Variants in TNKS observed in about 807,000 individuals in gnomAD.
The protein encoded by TNKS is poly [ADP-ribose] polymerase tankyrase-1.
In TNKS, 72 loss-of-function variants were observed where a neutral mutation model predicts 135.8. The observed-to-expected ratio is 0.53, with a 90% CI of 0.44 to 0.64. TNKS has a LOEUF of 0.64. Among genes scored for constraint, TNKS ranks in the 30% least tolerant of loss-of-function variants. The pLI, the probability that TNKS is intolerant of heterozygous loss-of-function variation, is 0.00. For synonymous variants in TNKS, 849 were observed against 649.3 expected, an observed-to-expected ratio of 1.31 and a Z score of -4.68; for missense variants, 1,769 against 1,674.0, an observed-to-expected ratio of 1.06 and a Z score of -0.99.
intron 5 of TNKS, among the ~76,000 whole-genome samples, chr8:9,698,576 G>A (rs1402108111): frequency 6.6e-6 from 1 of 152,056 alleles, no homozygotes; most frequent in Admixed American, 6.6e-5. Context: ...ACGCAGAGAC[G>A]TTAATAAATT....
At chr8:9,607,350 A>C (rs1440374160) in intron 2 of TNKS, among the ~76,000 whole-genome samples, 1 of 152,090 alleles carries the variant, frequency 6.6e-6, no homozygotes, top group African/African-American at 2.4e-5. Context: ...TTGGGGTTGA[A>C]ATATCTGAAG....
chr8:9,655,768 G>C (rs569901324), intron 3 of TNKS, among the ~76,000 whole-genome samples: 1 of 151,836 alleles, frequency 6.6e-6, no homozygotes. Context: ...AAGACCAAAG[G>C]TAGATAAAAC....
intron 3 of TNKS, among the ~76,000 whole-genome samples, chr8:9,620,267 A>G (rs1012144376): frequency 6.6e-6 from 1 of 151,996 alleles, no homozygotes; most frequent in East Asian, 1.9e-4. Flanking sequence ...TCTTTGCCTC[A>G]CACTTTGTAT....
At chr8:9,566,524 A>G (rs1244037064) in intron 1 of TNKS, 1 of 151,886 alleles carries the variant, frequency 6.6e-6, no homozygotes, top group Admixed American at 6.6e-5. Flanking sequence ...TTTTGAGTTA[A>G]CACTTCTGAT....
chr8:9,582,445 A>G (rs570942554), intron 2 of TNKS, among the ~76,000 whole-genome samples: 1 of 152,330 alleles, frequency 6.6e-6, no homozygotes, highest in Non-Finnish European at 1.5e-5. Context: ...AAGATTAATC[A>G]TATCTCTATA....
At chr8:9,760,026 A>T (rs923376532) in intron 20 of TNKS, among the ~76,000 whole-genome samples, 6 of 152,078 alleles carry the variant, frequency 3.9e-5, no homozygotes, top group African/African-American at 1.4e-4. Context: ...AGAATTCTCT[A>T]AGTTGAAGTT....
At chr8:9,733,215 T>C (rs1585391300) in intron 14 of TNKS, 64 bp from the exon 15 acceptor site, 6 of 1,467,364 alleles carry the variant, frequency 4.1e-6, no homozygotes, top group East Asian at 2.3e-5. Context: ...AGGATTTTTA[T>C]TATAAGAATC....
chr8:9,665,353 G>T (rs188625760), intron 3 of TNKS, among the ~76,000 whole-genome samples: 29 of 152,342 alleles, frequency 1.9e-4, no homozygotes, highest in African/African-American at 5.8e-4. Context: ...CTGATTAAAT[G>T]TTCTTGTCAA....
At chr8:9,622,012 TTGAC>T (rs1158573163) in intron 3 of TNKS, among the ~76,000 whole-genome samples, 6 of 152,234 alleles carry the variant, frequency 3.9e-5, no homozygotes, top group Admixed American at 3.9e-4. Flanking sequence ...AGTTAATTTC[TTGAC>T]TAAGAAAATT....
intron 25 of TNKS, among the ~76,000 whole-genome samples, chr8:9,768,412 GAA>G: frequency 6.6e-6 from 1 of 152,330 alleles, no homozygotes; most frequent in East Asian, 1.9e-4. Context: ...ATCAGTGAGA[GAA>G]AGAGACGAAT....
intron 26 of TNKS, among the ~76,000 whole-genome samples, chr8:9,770,907 G>A (rs922060640): frequency 2.0e-5 from 3 of 152,118 alleles, no homozygotes; most frequent in East Asian, 1.9e-4. Context: ...GCACATGAGC[G>A]GATGTGTTGA....
At chr8:9,614,415 T>C (rs571350768) in intron 2 of TNKS, among the ~76,000 whole-genome samples, 63 of 152,356 alleles carry the variant, frequency 4.1e-4, no homozygotes, top group African/African-American at 1.4e-3. Flanking sequence ...GTATGAGATG[T>C]ACAGGCTCAC....
At chr8:9,671,303 T>C (rs1272454110) in intron 3 of TNKS, 1 of 152,194 alleles carries the variant, frequency 6.6e-6, no homozygotes, top group African/African-American at 2.4e-5. Context: ...TCTCTGTAAA[T>C]GTTGCCAGTA....
At chr8:9,659,451 A>G (rs1801587956) in intron 3 of TNKS, among the ~76,000 whole-genome samples, 1 of 152,220 alleles carries the variant, frequency 6.6e-6, no homozygotes, top group South Asian at 2.1e-4. Flanking sequence ...CTACTCAACT[A>G]CATGGAAACT....
In TNKS at chr8:9,751,519, A is replaced by G. The variant is rs555366217; in HGVS notation, c.2833-90A>G. Reference sequence around the variant, plus strand: ...TGATAATGAGGCATTCATTAAGGAAAAAATCCACAAAGTATTTGGTTATCA... The same window carrying G: ...TGATAATGAGGCATTCATTAAGGAAGAAATCCACAAAGTATTTGGTTATCA... On this transcript the variant is annotated intron_variant, in intron 18 of 26. Coordinates refer to ENST00000310430, the MANE Select transcript of TNKS (RefSeq NM_003747.3). 1.6e-5 allele frequency: 20 copies of G among 1,256,866 alleles called. No individual in the cohort carries two copies. The African/African-American group carries it at 2.8e-4, about 18-fold the overall frequency. The allele number at this position is 1,256,866 out of a possible 1,614,324, so 77.9% of individuals were successfully genotyped here.
intron 18 of TNKS, among the ~76,000 whole-genome samples, chr8:9,750,787 T>C (rs1806484214): frequency 6.6e-6 from 1 of 152,218 alleles, no homozygotes; most frequent in Non-Finnish European, 1.5e-5. Flanking sequence ...TTGACTGGGC[T>C]CAGCTGGGTG....
At position 9,709,647 on chromosome 8, in the gene TNKS, A is replaced by T. The variant is rs28457199; in HGVS notation, c.1579-308A>T. ...TAGTTATAGATTTCTGTAGCGTTGC[A>T]GAGGCATACGTATTATGATGCTCTC... On this transcript the variant is annotated intron_variant, in intron 9 of 26. Transcript: ENST00000310430. 8.6e-3 allele frequency among the ~76,000 whole-genome samples: 1,309 copies of T among 152,326 alleles called. 20 individuals are homozygous for T. The highest frequency in any genetic ancestry group is 0.031 in the African/African-American group (1,268 of 41,570).
Position 9,575,465 on chromosome 8 carries a change from C to G in TNKS, c.674-4694C>G, listed in dbSNP as rs536960150. 1.1e-5 allele frequency: 11 copies of G among 971,854 alleles called. No individual in the cohort carries two copies. In the African/African-American group the frequency reaches 1.9e-4, roughly 17 times the overall value. The allele number at this position is 971,854 out of a possible 1,614,324, so 60.2% of individuals were successfully genotyped here. ...AAAGTTATACTAACAAATAGACAAACTGACCAACCAAAAAGAAAAGATAAG... is the reference window on the plus strand; with the variant it reads ...AAAGTTATACTAACAAATAGACAAAGTGACCAACCAAAAAGAAAAGATAAG... On this transcript the variant is annotated intron_variant, in intron 1 of 26. Transcript: ENST00000310430.
At chr8:9,696,625 C>T (rs1232042101) in intron 5 of TNKS, among the ~76,000 whole-genome samples, 1 of 152,046 alleles carries the variant, frequency 6.6e-6, no homozygotes, top group Non-Finnish European at 1.5e-5. Flanking sequence ...AATCCATGTA[C>T]AAAAATCAGT....
Sources: gnomAD v4.1 joint callset for allele counts (sites outside exome capture counted in the v4.1 genomes callset) on GRCh38, gnomAD v4.1.1 for gene constraint, MANE v1.5 for transcripts, NCBI Gene and HGNC (gene_info 2026-07-23, HGNC 2026-07-21) for gene names.